Variants in MYCBP observed in about 807,000 individuals in gnomAD.
MYCBP encodes MYC binding protein.
MYCBP carries 5 observed loss-of-function variants against 16.8 expected under a neutral mutation model. The ratio of observed to expected loss-of-function variants is 0.30; its 90% confidence interval spans 0.16 to 0.63. The LOEUF is 0.63. MYCBP is among the 20% of genes least tolerant of loss of function. The pLI, the probability that MYCBP is intolerant of heterozygous loss-of-function variation, is 0.83. For missense variants in MYCBP, 103 were observed against 121.8 expected, an observed-to-expected ratio of 0.85 and a Z score of 0.73; for synonymous variants, 35 against 43.7, an observed-to-expected ratio of 0.80 and a Z score of 0.79.
chr1:38,871,067 G>A (rs971314960), intron 2 of MYCBP, among the ~76,000 whole-genome samples: 4 of 151,882 alleles, frequency 2.6e-5, no homozygotes, highest in African/African-American at 4.8e-5. Context: ...TGGTGAAACC[G>A]CCTCTCTACT....
Position 38,863,197 on chromosome 1 carries a change from G to A in MYCBP, c.*1473C>T, listed in dbSNP as rs1642275280. The A allele has an allele frequency of 6.6e-6, 1 of 152,186 alleles. No individual in the cohort carries two copies. The highest frequency in any genetic ancestry group is 1.5e-5 in the Non-Finnish European group (1 of 68,044). 9.4% of individuals were successfully genotyped at this position (152,186 alleles called of 1,614,324 possible). ...AAAAACAAACTTGTGACTAGAAGAG[G>A]CACCAGCCATAGCCACATTCCTACT... On this transcript the variant is annotated 3_prime_UTR_variant, in exon 5 of 5. Coordinates refer to ENST00000397572, the MANE Select transcript of MYCBP (RefSeq NM_012333.5).
intron 2 of MYCBP, among the ~76,000 whole-genome samples, chr1:38,870,520 G>A (rs533373335): frequency 1.3e-3 from 193 of 151,822 alleles, no homozygotes; most frequent in Non-Finnish European, 1.6e-3. Context: ...GAGGCCGGGC[G>A]CGGTGGCTCA....
At chr1:38,868,217 T>C (rs1014637031) in intron 2 of MYCBP, among the ~76,000 whole-genome samples, 7 of 152,112 alleles carry the variant, frequency 4.6e-5, no homozygotes, top group African/African-American at 1.7e-4. Flanking sequence ...GTAATCCAGT[T>C]TAAAAAGACA....
chr1:38,864,273 T>G lies in MYCBP; in HGVS notation c.*397A>C. 4.9e-6 allele frequency: 1 copy of G among 202,344 alleles called. No homozygotes were observed. The allele number at this position is 202,344 out of a possible 1,614,324, so 12.5% of individuals were successfully genotyped here. ...GATCTCTCCAGCTGCCTATAGGGAA[T>G]ATACAGAACAGTGTCACCTTCAAAG... On this transcript the variant is annotated 3_prime_UTR_variant, in exon 5 of 5. Coordinates refer to ENST00000397572, the MANE Select transcript of MYCBP (RefSeq NM_012333.5).
At chr1:38,871,886 G>A (rs1052950307) in intron 2 of MYCBP, among the ~76,000 whole-genome samples, 6 of 152,142 alleles carry the variant, frequency 3.9e-5, no homozygotes, top group Non-Finnish European at 8.8e-5. Context: ...AGACACCTGA[G>A]TAAAATTATT....
At position 38,864,688 on chromosome 1, in the gene MYCBP, C is replaced by T; in HGVS notation, c.294G>A (p.Glu98=). The T allele has an allele frequency of 6.2e-7, 1 of 1,613,912 alleles. No individual in the cohort carries two copies. The highest frequency in any genetic ancestry group is 8.5e-7 in the Non-Finnish European group (1 of 1,179,884). Residue 98 remains glutamate, a synonymous_variant, in exon 5 of 5, where the codon GAG becomes GAA. Transcript: ENST00000397572. ...AKLAQYEPPQ[E]EKRAE ...AAGAATCCTATTCAGCACGCTTCTCCTCCTGAGGTGGTTCATACTGAGCAA... is the reference window on the plus strand; with the variant it reads ...AAGAATCCTATTCAGCACGCTTCTCTTCCTGAGGTGGTTCATACTGAGCAA...
chr1:38,866,044 C>CTTTTTTTTTTTTT (rs71057153), intron 4 of MYCBP, among the ~76,000 whole-genome samples: 1,004 of 65,676 alleles, frequency 0.015, 194 homozygotes, highest in African/African-American at 0.036. Context: ...CTAAGAACCT[C>CTTTTTTTTTTTTT]TTTTTTTTTT....
intron 4 of MYCBP, among the ~76,000 whole-genome samples, chr1:38,865,379 G>C (rs539191764): frequency 1.2e-4 from 19 of 152,176 alleles, no homozygotes; most frequent in Non-Finnish European, 2.5e-4. Context: ...TTGTTGAGAA[G>C]ATAAAATATA....
intron 4 of MYCBP, among the ~76,000 whole-genome samples, chr1:38,866,274 C>T (rs1030043694): frequency 6.6e-6 from 1 of 151,936 alleles, no homozygotes; most frequent in Admixed American, 6.6e-5. Flanking sequence ...TCTGGAACAC[C>T]TGACCGCAGG....
At chr1:38,864,821 G>T in intron 4 of MYCBP, 107 bp from the exon 5 acceptor site, 1 of 967,672 alleles carries the variant, frequency 1.0e-6, no homozygotes, top group Non-Finnish European at 1.6e-6. Context: ...TCAGTAAATT[G>T]TATTAATATC....
intron 4 of MYCBP, among the ~76,000 whole-genome samples, chr1:38,866,440 G>A (rs1356854175): frequency 2.7e-5 from 4 of 149,248 alleles, no homozygotes; most frequent in African/African-American, 9.9e-5. Context: ...CCCCCTAGAT[G>A]AAGTCTTGTT....
intron 3 of MYCBP, among the ~76,000 whole-genome samples, chr1:38,867,345 C>T (rs72925134): frequency 0.013 from 1,981 of 151,172 alleles, 49 homozygotes; most frequent in African/African-American, 0.045. Context: ...ACTTGGGAGA[C>T]GTGAGGCAGG....
chr1:38,871,427 C>CTTTTTT (rs71573793), intron 2 of MYCBP, among the ~76,000 whole-genome samples: 3 of 110,592 alleles, frequency 2.7e-5, no homozygotes, highest in Non-Finnish European at 3.6e-5. Flanking sequence ...CCACCTGTCA[C>CTTTTTT]TTTTTTTTTT....
chr1:38,867,707 T>C (rs1425260982), intron 2 of MYCBP, 97 bp from the exon 3 acceptor site: 3 of 1,005,658 alleles, frequency 3.0e-6, no homozygotes, highest in Non-Finnish European at 4.7e-6. Flanking sequence ...GTGCCAACTA[T>C]ACGCTGAGCA....
At chr1:38,865,184 T>C (rs1222725329) in intron 4 of MYCBP, among the ~76,000 whole-genome samples, 1 of 152,238 alleles carries the variant, frequency 6.6e-6, no homozygotes, top group Non-Finnish European at 1.5e-5. Flanking sequence ...CATTGTGGAA[T>C]CTTGGATAAT....
At chr1:38,869,679 T>C (rs1642419085) in intron 2 of MYCBP, among the ~76,000 whole-genome samples, 1 of 152,168 alleles carries the variant, frequency 6.6e-6, no homozygotes, top group African/African-American at 2.4e-5. Context: ...TTCCAAATGA[T>C]TTATCATCTT....
intron 4 of MYCBP, among the ~76,000 whole-genome samples, chr1:38,866,327 C>A (rs1191571291): frequency 6.6e-6 from 1 of 151,862 alleles, no homozygotes; most frequent in Non-Finnish European, 1.5e-5. Flanking sequence ...GGATTATAGG[C>A]GTGAGCCACC....
chr1:38,866,231 A>G (rs1642335920), intron 4 of MYCBP, among the ~76,000 whole-genome samples: 1 of 150,686 alleles, frequency 6.6e-6, no homozygotes. Context: ...TATTTTCAGT[A>G]GAGACGGGGT....
Position 38,873,324 on chromosome 1 carries a change from G to T in MYCBP, c.-19C>A. On this transcript the variant is annotated 5_prime_UTR_variant, in exon 1 of 5. Transcript: ENST00000397572. ...GGGCCATAGTGACAGCGGCAGCGGCGTAGCTGGCGCCGGAGACCGCGACTG... is the reference window on the plus strand; with the variant it reads ...GGGCCATAGTGACAGCGGCAGCGGCTTAGCTGGCGCCGGAGACCGCGACTG... The T allele has an allele frequency of 6.2e-7, 1 of 1,600,004 alleles. No individual in the cohort carries two copies. Among genetic ancestry groups the T allele is most frequent in the Non-Finnish European group, 8.5e-7 (1 of 1,178,228 alleles).
Sources: gnomAD v4.1 joint callset for allele counts (sites outside exome capture counted in the v4.1 genomes callset) on GRCh38, gnomAD v4.1.1 for gene constraint, MANE v1.5 for transcripts, NCBI Gene and HGNC (gene_info 2026-07-23, HGNC 2026-07-21) for gene names.